The following SETD5 variants were observed in gnomAD, a reference collection of about 807,000 sequenced individuals.
SETD5 encodes the protein SET domain containing 5.
In SETD5, 44 loss-of-function variants were observed where a neutral mutation model predicts 153.3. The ratio of observed to expected loss-of-function variants is 0.29; its 90% CI spans 0.23 to 0.37. SETD5 has a LOEUF of 0.37. Ranked by LOEUF, SETD5 falls within the 10% of genes least tolerant of loss-of-function variation. The pLI, the probability that SETD5 is intolerant of heterozygous loss-of-function variation, is 1.00. For missense variants in SETD5, 1,544 were observed against 1,768.0 expected (o/e 0.87, Z 2.27); for synonymous variants, 716 against 645.2 (o/e 1.11, Z -1.66).
intron 16 of SETD5, among the ~76,000 whole-genome samples, chr3:9,451,070 A>G (rs1001513699): frequency 2.6e-5 from 4 of 152,164 alleles, no homozygotes; most frequent in Admixed American, 2.0e-4. Context: ...GTAGTGTTTC[A>G]CCTTGTTCTC....
Position 9,433,831 on chromosome 3 carries a change from T to C in SETD5, c.72-14T>C, listed in dbSNP as rs2040254262. The C allele has an allele frequency of 6.2e-7, 1 of 1,612,814 alleles. No individual in the cohort carries two copies. The highest frequency in any genetic ancestry group is 1.7e-5 in the Admixed American group (1 of 59,990). ...GTGTTATGCTATCATGCATTGCTTTTCGCCTTTGTGCAGCCCTGAATCTGT... is the reference window on the plus strand; with the variant it reads ...GTGTTATGCTATCATGCATTGCTTTCCGCCTTTGTGCAGCCCTGAATCTGT... On this transcript the variant is annotated splice_polypyrimidine_tract_variant and intron_variant, in intron 3 of 22. Coordinates refer to ENST00000402198, the MANE Select transcript of SETD5 (RefSeq NM_001080517.3).
intron 2 of SETD5, among the ~76,000 whole-genome samples, chr3:9,426,701 G>A (rs1364860992): frequency 6.6e-6 from 1 of 151,512 alleles, no homozygotes; most frequent in Non-Finnish European, 1.5e-5. Context: ...CGCACACCAG[G>A]TAAATTTTGT....
chr3:9,441,601 G>A lies in SETD5; in HGVS notation c.819G>A (p.Leu273=), dbSNP rs1428406043. Residue 273 remains leucine, a synonymous_variant, in exon 9 of 23, where the codon CTG becomes CTA. Transcript: ENST00000402198. ...TVIGSQMQLQ[L]GRVTRVQKHR... ...GCTCTGGTTTTATTCAGTTACAGCT[G>A]GGAAGAGTCACTCGTGTTCAAAAGC... is the stretch of plus-strand genomic sequence containing the variant. The A allele has an allele frequency of 1.9e-6, 3 of 1,613,784 alleles. No individual in the cohort carries two copies. The highest frequency in any genetic ancestry group is 1.1e-5 in the South Asian group (1 of 91,066).
Position 9,434,342 on chromosome 3 carries a change from C to T in SETD5, c.186C>T (p.Ile62=), listed in dbSNP as rs760094641. ...GCRGLPYATI[I]PRSDLNGLPS... is the part of the protein sequence containing the mutation. ...CTTCTCCCCCTGTCCAGACGATCAT[C>T]CCTCGTTCTGACCTGAATGGCCTGC... Residue 62 remains isoleucine (I), a synonymous_variant, in exon 5 of 23, where the codon ATC becomes ATT. Coordinates refer to ENST00000402198, the MANE Select transcript of SETD5 (RefSeq NM_001080517.3). This position sits in a 1 kb window ranked among gnomAD's most constrained non-coding sequence, Gnocchi z 5.6. 1.2e-6 allele frequency: 2 copies of T among 1,613,774 alleles called. No homozygotes were observed. Among genetic ancestry groups the T allele is most frequent in the South Asian group, 2.2e-5 (2 of 91,074 alleles).
intron 11 of SETD5, 56 bp from the exon 12 acceptor site, chr3:9,444,992 T>G (rs1438727901): frequency 1.9e-6 from 3 of 1,576,666 alleles, no homozygotes; most frequent in Non-Finnish European, 2.6e-6. Context: ...GAATGGATAA[T>G]GTAACTGAAT....
chr3:9,454,654 AT>A (rs1441733232), intron 17 of SETD5, among the ~76,000 whole-genome samples: 3 of 149,640 alleles, frequency 2.0e-5, no homozygotes, highest in Admixed American at 6.7e-5. Flanking sequence ...AAAAAAACAA[AT>A]TTTTTAAGAC....
chr3:9,456,601 C>T, intron 17 of SETD5, among the ~76,000 whole-genome samples: 1 of 151,990 alleles, frequency 6.6e-6, no homozygotes, highest in South Asian at 2.1e-4. Context: ...TAGTATCAGG[C>T]CCATAAGAGT....
chr3:9,464,407 A>C lies in SETD5; in HGVS notation c.2477-18A>C. Reference sequence around the variant, plus strand: ...AATCTGTGGTTTCAAACTCTCATCCAAGCTTTGTGTTTCACAGACTTGTTG... The same window carrying C: ...AATCTGTGGTTTCAAACTCTCATCCCAGCTTTGTGTTTCACAGACTTGTTG... On this transcript the variant is annotated intron_variant, in intron 17 of 22. Coordinates refer to ENST00000402198, the MANE Select transcript of SETD5 (RefSeq NM_001080517.3). The C allele has an allele frequency of 6.3e-7, 1 of 1,599,862 alleles. No homozygotes were observed. Among genetic ancestry groups the C allele is most frequent in the East Asian group, 2.2e-5 (1 of 44,512 alleles).
chr3:9,462,100 C>G (rs1200005980), intron 17 of SETD5, among the ~76,000 whole-genome samples: 1 of 152,138 alleles, frequency 6.6e-6, no homozygotes, highest in Non-Finnish European at 1.5e-5. Context: ...ATCTCCTACC[C>G]TAGTTTAGTG....
chr3:9,450,555 GTTC>G (rs1030401915), intron 16 of SETD5, among the ~76,000 whole-genome samples: 41 of 152,196 alleles, frequency 2.7e-4, no homozygotes, highest in African/African-American at 8.4e-4. Flanking sequence ...GTGAAGAAGA[GTTC>G]TTCTTCTAAT....
intron 17 of SETD5, among the ~76,000 whole-genome samples, chr3:9,462,271 A>C (rs2044045607): frequency 6.6e-6 from 1 of 152,224 alleles, no homozygotes; most frequent in Non-Finnish European, 1.5e-5. Context: ...TTGGGGATAT[A>C]CTTTAACCTA....
rs369598030 is a variant in SETD5, at chr3:9,473,547, T to C, written c.3497+10T>C. 4.0e-5 allele frequency: 64 copies of C among 1,600,332 alleles called. No individual in the cohort carries two copies. The highest frequency in any genetic ancestry group is 5.3e-5 in the Non-Finnish European group (62 of 1,172,280). On this transcript the variant is annotated intron_variant, in intron 20 of 22. Transcript: ENST00000402198. ...ATATCAGCAGTAGGTGGTAAGTTTA[T>C]ATTTGATGTTTTATAGTTAAATTGG...
intron 1 of SETD5, among the ~76,000 whole-genome samples, chr3:9,405,021 A>T (rs531427755): frequency 6.6e-6 from 1 of 152,288 alleles, no homozygotes; most frequent in South Asian, 2.1e-4. Context: ...TGGATGGGCT[A>T]ATGTGATTTT....
chr3:9,473,093 C>A, intron 19 of SETD5, 143 bp from the exon 20 acceptor site: 1 of 969,534 alleles, frequency 1.0e-6, no homozygotes, highest in Non-Finnish European at 1.5e-6. Flanking sequence ...AAAAAGTTAT[C>A]AGGGTTGGTG....
chr3:9,435,448 G>A lies in SETD5; in HGVS notation c.389-280G>A, dbSNP rs1354194572. On this transcript the variant is annotated intron_variant, in intron 6 of 22. Coordinates refer to ENST00000402198, the MANE Select transcript of SETD5 (RefSeq NM_001080517.3). ...ATATGGATTCCTGTTTTAAAAATTA[G>A]CCAGTCTCAAATTGTTATAGATTGA... is the stretch of plus-strand genomic sequence containing the variant. Among the ~76,000 whole-genome samples the A allele has an allele frequency of 2.0e-5, 3 of 152,220 alleles. No homozygotes were observed. In the East Asian group the frequency reaches 5.8e-4, roughly 29 times the overall value.
At chr3:9,404,716 G>A (rs1209746164) in intron 1 of SETD5, among the ~76,000 whole-genome samples, 1 of 152,034 alleles carries the variant, frequency 6.6e-6, no homozygotes, top group Non-Finnish European at 1.5e-5. Context: ...ATCTCTTCAG[G>A]GTAGCTTCCA....
At chr3:9,413,901 C>T (rs1177384741) in intron 1 of SETD5, among the ~76,000 whole-genome samples, 1 of 152,022 alleles carries the variant, frequency 6.6e-6, no homozygotes, top group South Asian at 2.1e-4. Flanking sequence ...CCTCAGCCTC[C>T]CAAGTAGCTG....
Position 9,475,745 on chromosome 3 carries a change from G to T in SETD5, c.3983G>T (p.Gly1328Val). The change falls in exon 23 of 23, where the codon GGA becomes GTA. Residue 1328 changes from glycine (G) to valine (V), a missense_variant. By Grantham distance (109) the Gly-to-Val change is moderately radical. Around this residue, in one of 9 missense-constraint regions of SETD5, gnomAD observed 302 missense variants for 277.6 expected, o/e 1.09. Coordinates refer to ENST00000402198, the MANE Select transcript of SETD5 (RefSeq NM_001080517.3). Reference sequence around the variant, plus strand: ...TATTTTAGCAGCCAGCCACATTCTGGAAACAGCACTGGCAGCAATCTTCCA... The same window carrying T: ...TATTTTAGCAGCCAGCCACATTCTGTAAACAGCACTGGCAGCAATCTTCCA... ...PGYFSSQPHS[G>V]NSTGSNLPRR... 6.2e-7 allele frequency: 1 copy of T among 1,613,910 alleles called. No individual in the cohort carries two copies. The highest frequency in any genetic ancestry group is 8.5e-7 in the Non-Finnish European group (1 of 1,179,868).
At chr3:9,399,356 T>A (rs2034346393) in intron 1 of SETD5, among the ~76,000 whole-genome samples, 1 of 152,204 alleles carries the variant, frequency 6.6e-6, no homozygotes, top group Admixed American at 6.5e-5. Flanking sequence ...TTTAGATGTG[T>A]GGGATCTGAG....
Sources: allele counts gnomAD v4.1 joint callset (sites outside exome capture counted in the v4.1 genomes callset), GRCh38; gene constraint gnomAD v4.1.1; regional missense constraint gnomAD v4.1.1; non-coding constraint Gnocchi (gnomAD v3.1); transcripts MANE v1.5; gene names NCBI Gene and HGNC (gene_info 2026-07-23, HGNC 2026-07-21).